Variants in ADAMTSL1 observed in about 807,000 individuals in gnomAD.
ADAMTSL1 encodes the protein ADAMTS like 1.
A neutral mutation model predicts 201.8 loss-of-function variants in ADAMTSL1; 126 were observed. That is an observed-to-expected ratio of 0.62 (90% confidence interval 0.54 to 0.72). The LOEUF (loss-of-function observed/expected upper bound fraction) is 0.72. Ranked by LOEUF, ADAMTSL1 falls within the 30% of genes least tolerant of loss-of-function variation. The pLI is 0.00. For synonymous variants in ADAMTSL1, 1,121 were observed against 903.4 expected (o/e 1.24, Z -4.32); for missense variants, 2,679 against 2,277.8 (o/e 1.18, Z -3.59).
intron 1 of ADAMTSL1, among the ~76,000 whole-genome samples, chr9:18,065,983 C>G (rs144900531): frequency 1.7e-5 from 1 of 60,240 alleles, no homozygotes; most frequent in African/African-American, 8.2e-5. Context: ...GAGACTCCAT[C>G]TCAAAAAAAA....
At chr9:18,152,150 G>T (rs534352023) in intron 1 of ADAMTSL1, among the ~76,000 whole-genome samples, 29 of 152,060 alleles carry the variant, frequency 1.9e-4, no homozygotes, top group Non-Finnish European at 3.4e-4. Flanking sequence ...TTTACTCAAA[G>T]CACACAGCAG....
intron 2 of ADAMTSL1, among the ~76,000 whole-genome samples, chr9:18,261,671 G>A (rs748938075): frequency 4.6e-5 from 7 of 152,166 alleles, no homozygotes; most frequent in Non-Finnish European, 1.0e-4. Flanking sequence ...TTATCAATAC[G>A]TAGCCATTCC....
chr9:18,286,799 C>T (rs1057112984), intron 2 of ADAMTSL1, among the ~76,000 whole-genome samples: 1 of 152,104 alleles, frequency 6.6e-6, no homozygotes, highest in African/African-American at 2.4e-5. Flanking sequence ...CTATAAAAAA[C>T]ATATAATTAA....
intron 23 of ADAMTSL1, among the ~76,000 whole-genome samples, chr9:18,834,083 A>G (rs1825165877): frequency 6.6e-6 from 1 of 151,992 alleles, no homozygotes; most frequent in Non-Finnish European, 1.5e-5. Flanking sequence ...TTTTTTGGTG[A>G]CCATAGCCCT....
At chr9:18,525,258 G>A (rs1025075740) in intron 2 of ADAMTSL1, among the ~76,000 whole-genome samples, 15 of 152,274 alleles carry the variant, frequency 9.9e-5, no homozygotes, top group African/African-American at 3.4e-4. Context: ...TCTGATGGTA[G>A]TTTGTATTTC....
chr9:18,671,101 A>C (rs1279474150), intron 9 of ADAMTSL1, among the ~76,000 whole-genome samples: 1 of 152,168 alleles, frequency 6.6e-6, no homozygotes, highest in African/African-American at 2.4e-5. Flanking sequence ...AGACGCAACT[A>C]TCCATTTTTT....
chr9:18,517,932 C>A (rs1295465211), intron 2 of ADAMTSL1, among the ~76,000 whole-genome samples: 1 of 152,066 alleles, frequency 6.6e-6, no homozygotes, highest in Non-Finnish European at 1.5e-5. Flanking sequence ...CTGGAGTTAT[C>A]TTTATAACAG....
chr9:18,358,588 G>A (rs1350854480), intron 2 of ADAMTSL1, among the ~76,000 whole-genome samples: 1 of 152,044 alleles, frequency 6.6e-6, no homozygotes, highest in Non-Finnish European at 1.5e-5. Flanking sequence ...CTATGAGTCT[G>A]CCCATTCTAG....
In ADAMTSL1 at chr9:18,286,744, C is replaced by T. The variant is rs972118612; in HGVS notation, c.207+122763C>T. On this transcript the variant is annotated intron_variant, in intron 2 of 29. Transcript: ENST00000680146. The stretch of plus-strand genomic sequence containing the variant: ...TAAGAGAATTTTCCATAGAAGAGAA[C>T]ACATTTCTTTTTAGTCTCCAAAGAC... Among the ~76,000 whole-genome samples, 3 of 151,876 alleles carry T rather than the reference C, an allele frequency of 2.0e-5. 1 individual carries two copies. The highest frequency in any genetic ancestry group is 6.6e-5 in the Admixed American group (1 of 15,228).
At chr9:18,776,721 C>A in intron 18 of ADAMTSL1, 60 bp from the exon 19 acceptor site, 1 of 1,473,972 alleles carries the variant, frequency 6.8e-7, no homozygotes. Context: ...CTGCATCTCA[C>A]TCTGGGTTTT....
intron 2 of ADAMTSL1, among the ~76,000 whole-genome samples, chr9:18,249,579 T>A (rs1405318899): frequency 6.6e-6 from 1 of 152,236 alleles, no homozygotes; most frequent in African/African-American, 2.4e-5. Flanking sequence ...AGAAAAAAAA[T>A]TAGGCTACTT....
At chr9:18,273,442 G>T (rs1832463577) in intron 2 of ADAMTSL1, among the ~76,000 whole-genome samples, 1 of 152,184 alleles carries the variant, frequency 6.6e-6, no homozygotes, top group Non-Finnish European at 1.5e-5. Flanking sequence ...GGATATAGCT[G>T]TCTCTGAGCC....
At chr9:18,150,716 A>G (rs552050702) in intron 1 of ADAMTSL1, among the ~76,000 whole-genome samples, 47 of 150,544 alleles carry the variant, frequency 3.1e-4, no homozygotes, top group African/African-American at 1.0e-3. Flanking sequence ...GAGGGGGGAG[A>G]GTAATAAATA....
chr9:18,837,211 T>A lies in ADAMTSL1; in HGVS notation c.4249+7234T>A, dbSNP rs536724521. On this transcript the variant is annotated intron_variant, in intron 23 of 28. Transcript: ENST00000380548. Reference sequence around the variant, plus strand: ...TACTTCTGTCTCAAAGACGTTCTCATATTTTCTTCTAGAAGTTTCATAATT... The same window carrying A: ...TACTTCTGTCTCAAAGACGTTCTCAAATTTTCTTCTAGAAGTTTCATAATT... Among the ~76,000 whole-genome samples, 113 of 152,366 alleles carry A rather than the reference T, an allele frequency of 7.4e-4. 1 individual carries two copies. The highest frequency in any genetic ancestry group is 2.6e-3 in the African/African-American group (108 of 41,596).
intron 1 of ADAMTSL1, among the ~76,000 whole-genome samples, chr9:18,000,620 A>G (rs1193744969): frequency 6.6e-6 from 1 of 152,062 alleles, no homozygotes; most frequent in Non-Finnish European, 1.5e-5. Context: ...TGACTCAAAT[A>G]TTCATTTGTT....
chr9:18,031,851 G>C lies in ADAMTSL1; in HGVS notation c.87+124929G>C, dbSNP rs545620172. On this transcript the variant is annotated intron_variant, in intron 1 of 29. Transcript: ENST00000680146. ...TCTGAGCTTGGCAGGGTCAGAGTGG[G>C]CTGTGGGATATGTCTGTGAGTGGTC... Among the ~76,000 whole-genome samples, 4 of 152,328 alleles carry C rather than the reference G, an allele frequency of 2.6e-5. No individual in the cohort carries two copies. In the East Asian group the frequency reaches 7.7e-4, roughly 29 times the overall value.
rs544713950 is a variant in ADAMTSL1, at chr9:18,179,649, G to A, written c.207+15668G>A. ...GAGAAAGGTGGGTTACCCTCAAAGG[G>A]AAGCCCATCAGACTAACAGCGGATC... On this transcript the variant is annotated intron_variant, in intron 2 of 29. Coordinates refer to the ADAMTSL1 transcript ENST00000680146. Among the ~76,000 whole-genome samples, 9 of 152,282 alleles carry A rather than the reference G, an allele frequency of 5.9e-5. No individual in the cohort carries two copies. The East Asian group carries it at 1.5e-3, about 26-fold the overall frequency.
At chr9:18,366,748 G>A (rs1204458019) in intron 2 of ADAMTSL1, among the ~76,000 whole-genome samples, 3 of 148,054 alleles carry the variant, frequency 2.0e-5, no homozygotes, top group Non-Finnish European at 4.4e-5. Context: ...CTCCCGAGTA[G>A]CTGGGATTAC....
chr9:18,721,568 A>C lies in ADAMTSL1; in HGVS notation c.1909A>C (p.Lys637Gln), dbSNP rs1587982405. ...VQEAVVSCLN[K>Q]QTREPAEENL... ...GGAGGCTGTGGTGAGCTGCTTGAAC[A>C]AACAGACTCGGGAGCCTGCTGAGGA... Residue 637 changes from lysine (K) to glutamine (Q), a missense_variant, in exon 15 of 29, where the codon AAA (lysine) becomes CAA (glutamine). Lys to Gln is a moderately conservative substitution (Grantham distance 53, BLOSUM62 1). Transcript: ENST00000380548. 6.2e-7 allele frequency: 1 copy of C among 1,613,958 alleles called. No homozygotes were observed. The highest frequency in any genetic ancestry group is 8.5e-7 in the Non-Finnish European group (1 of 1,179,864).
Sources: allele counts gnomAD v4.1 joint callset (sites outside exome capture counted in the v4.1 genomes callset), GRCh38; gene constraint gnomAD v4.1.1; transcripts MANE v1.5; gene names NCBI Gene and HGNC (gene_info 2026-07-23, HGNC 2026-07-21).